SOX11: variants seen among roughly 807,000 people sequenced by gnomAD.
SOX11 encodes transcription factor SOX-11.
A neutral mutation model predicts 16.7 loss-of-function variants in SOX11; 5 were observed. The ratio of observed to expected loss-of-function variants is 0.30; its 90% CI spans 0.16 to 0.63. The LOEUF (loss-of-function observed/expected upper bound fraction) is 0.63. Ranked by LOEUF, SOX11 falls within the 20% of genes least tolerant of loss-of-function variation. The pLI is 0.82. For missense variants in SOX11, 492 were observed against 641.5 expected, an observed-to-expected ratio of 0.77 and a Z score of 2.52; for synonymous variants, 363 against 298.8, an observed-to-expected ratio of 1.21 and a Z score of -2.22.
Position 5,693,210 on chromosome 2 carries a change from C to A in SOX11, c.489C>A (p.Ser163=). Residue 163 remains serine, a synonymous_variant, in exon 1 of 1, where the codon TCC becomes TCA. Coordinates refer to ENST00000322002, the MANE Select transcript of SOX11 (RefSeq NM_003108.4). The surrounding 1 kb of genome is among the most constrained non-coding windows in gnomAD (Gnocchi z 8.6). ...GCGGTGCCAAGACCTCCAAGGGCTC[C>A]AGCAAGAAATGCGGCAAGCTCAAGG... ...GAGGAKTSKG[S]SKKCGKLKAP... 1 of 1,504,030 alleles carries A rather than the reference C, an allele frequency of 6.6e-7. No individual in the cohort carries two copies. Among genetic ancestry groups the A allele is most frequent in the Non-Finnish European group, 8.8e-7 (1 of 1,134,228 alleles). The allele number at this position is 1,504,030 out of a possible 1,614,324, so 93.2% of individuals were successfully genotyped here.
Position 5,693,354 on chromosome 2 carries a change from C to T in SOX11, c.633C>T (p.Gly211=), listed in dbSNP as rs533417666. The change falls in exon 1 of 1, where the codon GGC becomes GGT. Residue 211 remains glycine (G), a synonymous_variant. Coordinates refer to ENST00000322002, the MANE Select transcript of SOX11 (RefSeq NM_003108.4). The surrounding 1 kb of genome is among the most constrained non-coding windows in gnomAD (Gnocchi z 8.6). ...GSLRVSGSGG[G]GAGKTVKCVF... ...TGCGCGTGAGCGGCTCGGGCGGCGG[C>T]GGCGCGGGCAAGACGGTCAAGTGCG... is the stretch of plus-strand genomic sequence containing the variant. 1.2e-4 allele frequency: 183 copies of T among 1,589,572 alleles called. No homozygotes were observed. In the African/African-American group the frequency reaches 2.1e-3, roughly 18 times the overall value.
Position 5,693,406 on chromosome 2 carries a change from G to T in SOX11, c.685G>T (p.Asp229Tyr), listed in dbSNP as rs1665672278. 1.3e-6 allele frequency: 2 copies of T among 1,590,156 alleles called. No homozygotes were observed. Among genetic ancestry groups the T allele is most frequent in the Non-Finnish European group, 8.5e-7 (1 of 1,176,600 alleles). The change falls in exon 1 of 1, where the codon GAC becomes TAC. Residue 229 changes from aspartate to tyrosine, a missense_variant. By Grantham distance (160) the Asp-to-Tyr change is radical. Coordinates refer to ENST00000322002, the MANE Select transcript of SOX11 (RefSeq NM_003108.4). This position sits in a 1 kb window ranked among gnomAD's most constrained non-coding sequence, Gnocchi z 8.6. ...GTTTCTGGATGAGGACGACGACGAC[G>T]ACGACGACGACGACGAGCTGCAGCT... ...CVFLDEDDDD[D>Y]DDDDELQLQI...
rs1041598825 is a variant in SOX11, at chr2:5,696,455, C to G, written c.*2408C>G. ...CGCGGCAGGCCGGCCGAGGGCACCC[C>G]GAGGAACATGGCATGGCCTCTGTGC... On this transcript the variant is annotated 3_prime_UTR_variant, in exon 1 of 1. Coordinates refer to ENST00000322002, the MANE Select transcript of SOX11 (RefSeq NM_003108.4). 70 of 156,504 alleles carry G rather than the reference C, an allele frequency of 4.5e-4. 1 individual carries two copies. Among genetic ancestry groups the G allele is most frequent in the Non-Finnish European group, 1.3e-4 (9 of 68,536 alleles). The allele number at this position is 156,504 out of a possible 1,614,324, so 9.7% of individuals were successfully genotyped here.
chr2:5,696,970 G>A lies in SOX11; in HGVS notation c.*2923G>A. On this transcript the variant is annotated 3_prime_UTR_variant, in exon 1 of 1. Coordinates refer to ENST00000322002, the MANE Select transcript of SOX11 (RefSeq NM_003108.4). Reference sequence around the variant, plus strand: ...CCCATCCCGCTGGCGCTCCCCGCTCGCTGAACCCCGTTTGCCTGTCCACAC... The same window carrying A: ...CCCATCCCGCTGGCGCTCCCCGCTCACTGAACCCCGTTTGCCTGTCCACAC... 6.3e-6 allele frequency: 1 copy of A among 157,544 alleles called. No homozygotes were observed. The allele number at this position is 157,544 out of a possible 1,614,324, so 9.8% of individuals were successfully genotyped here. A position where few individuals can be genotyped will look rare whatever the true frequency, so the allele number is the denominator to read the frequency against.
rs1257974037 is a variant in SOX11, at chr2:5,694,457, G to C, written c.*410G>C. 3.1e-6 allele frequency: 1 copy of C among 323,570 alleles called. No individual in the cohort carries two copies. The highest frequency in any genetic ancestry group is 5.8e-6 in the Non-Finnish European group (1 of 171,158). 20.0% of individuals were successfully genotyped at this position (323,570 alleles called of 1,614,324 possible). ...GCAACAAAGGCAGAGGGGGCGGGGC[G>C]GGGGAGGGGAGGTAGGACCCGCTCC... is the stretch of plus-strand genomic sequence containing the variant. On this transcript the variant is annotated 3_prime_UTR_variant, in exon 1 of 1. Coordinates refer to ENST00000322002, the MANE Select transcript of SOX11 (RefSeq NM_003108.4).
In SOX11 at chr2:5,693,154, G is replaced by A; in HGVS notation, c.433G>A (p.Gly145Ser). 3.1e-6 allele frequency: 5 copies of A among 1,591,588 alleles called. No individual in the cohort carries two copies. Among genetic ancestry groups the A allele is most frequent in the Non-Finnish European group, 4.3e-6 (5 of 1,170,316 alleles). The stretch of plus-strand genomic sequence containing the variant: ...GAGCCCAGAGAAGAGCGCGGCCGGC[G>A]GCGGCGGCGGGAGCGCGGGCGGAGG... ...SQSPEKSAAGGGGGSAGGGAG... is the reference protein window; with the variant it reads ...SQSPEKSAAGSGGGSAGGGAG... Residue 145 changes from glycine to serine, a missense_variant, in exon 1 of 1, where the codon GGC becomes AGC. Transcript: ENST00000322002. This position sits in a 1 kb window ranked among gnomAD's most constrained non-coding sequence, Gnocchi z 8.6.
In SOX11 at chr2:5,699,344, G is replaced by T. The variant is rs148994018; in HGVS notation, c.*5297G>T. ...ATTTTGTAAAATTTCCATTAGGAAT[G>T]TCAGTTTCAAATACCCTTTGTATAG... is the stretch of plus-strand genomic sequence containing the variant. On this transcript the variant is annotated 3_prime_UTR_variant, in exon 1 of 1. Transcript: ENST00000322002. 1 of 167,140 alleles carries T rather than the reference G, an allele frequency of 6.0e-6. No individual in the cohort carries two copies. The highest frequency in any genetic ancestry group is 1.9e-4 in the East Asian group (1 of 5,186). The allele number at this position is 167,140 out of a possible 1,614,324, so 10.4% of individuals were successfully genotyped here.
Position 5,695,577 on chromosome 2 carries a change from T to C in SOX11, c.*1530T>C, listed in dbSNP as rs1040650347. 3.0e-5 allele frequency: 5 copies of C among 164,892 alleles called. No individual in the cohort carries two copies. The highest frequency in any genetic ancestry group is 2.1e-4 in the South Asian group (1 of 4,680). 10.2% of individuals were successfully genotyped at this position (164,892 alleles called of 1,614,324 possible). A position where few individuals can be genotyped will look rare whatever the true frequency, so the allele number is the denominator to read the frequency against. On this transcript the variant is annotated 3_prime_UTR_variant, in exon 1 of 1. Coordinates refer to ENST00000322002, the MANE Select transcript of SOX11 (RefSeq NM_003108.4). ...GACATCATTGCCTGTTTTTTTTTTT[T>C]TTTTTTTGTGCTGGAAGTCTGTATC...
chr2:5,692,527 G>C lies in SOX11; in HGVS notation c.-195G>C. The C allele has an allele frequency of 4.3e-6, 2 of 465,492 alleles. No homozygotes were observed. The highest frequency in any genetic ancestry group is 7.3e-6 in the Non-Finnish European group (2 of 275,002). The allele number at this position is 465,492 out of a possible 1,614,324, so 28.8% of individuals were successfully genotyped here. A position where few individuals can be genotyped will look rare whatever the true frequency, so the allele number is the denominator to read the frequency against. ...CGACCGCAGCTCCCACCGCGCCGGC[G>C]GCCGTCGTCGCCGAAGCCACCACAG... On this transcript the variant is annotated 5_prime_UTR_variant, in exon 1 of 1. Coordinates refer to ENST00000322002, the MANE Select transcript of SOX11 (RefSeq NM_003108.4).
chr2:5,700,420 CAAAAA>C lies in SOX11; in HGVS notation c.*6383_*6387del, dbSNP rs201271298. On this transcript the variant is annotated 3_prime_UTR_variant, in exon 1 of 1. Coordinates refer to ENST00000322002, the MANE Select transcript of SOX11 (RefSeq NM_003108.4). Reference sequence around the variant, plus strand: ...CTTAGACACGTTACATTTCCCCTTCCAAAAAAAAAAAAAAGGACAACTGGAAGTAA... The same window carrying C: ...CTTAGACACGTTACATTTCCCCTTCCAAAAAAAAAGGACAACTGGAAGTAA... 7.5e-6 allele frequency: 1 copy of C among 133,926 alleles called. No homozygotes were observed. Among genetic ancestry groups the C allele is most frequent in the Non-Finnish European group, 1.7e-5 (1 of 57,874 alleles). The allele number at this position is 133,926 out of a possible 1,614,324, so 8.3% of individuals were successfully genotyped here.
Position 5,693,720 on chromosome 2 carries a change from C to A in SOX11, c.999C>A (p.Pro333=), listed in dbSNP as rs755637385. The part of the protein sequence containing the change: ...PPPLAQPALS[P]ASSRSVSTSS... ...CGCTCGCGCAGCCCGCGCTGTCGCC[C>A]GCGTCCTCGCGCTCGGTGTCCACCT... Residue 333 remains proline (P), a synonymous_variant, in exon 1 of 1, where the codon CCC becomes CCA. Coordinates refer to ENST00000322002, the MANE Select transcript of SOX11 (RefSeq NM_003108.4). The surrounding 1 kb of genome is among the most constrained non-coding windows in gnomAD (Gnocchi z 8.6). 6.3e-7 allele frequency: 1 copy of A among 1,597,302 alleles called. No homozygotes were observed. The highest frequency in any genetic ancestry group is 2.2e-5 in the East Asian group (1 of 44,468).
In SOX11 at chr2:5,692,619, G is replaced by GCTGTCTCTTAT; in HGVS notation, c.-103_-102insCTGTCTCTTAT. On this transcript the variant is annotated 5_prime_UTR_variant, in exon 1 of 1. Transcript: ENST00000322002. The stretch of plus-strand genomic sequence containing the variant: ...GGAGCCGCGAAAGCGGGGTGCCGAG[G>GCTGTCTCTTAT]ACTTTGCAACTTGCCCAGGAAGGTG... The GCTGTCTCTTAT allele has an allele frequency of 1.2e-6, 1 of 866,774 alleles. No homozygotes were observed. Among genetic ancestry groups the GCTGTCTCTTAT allele is most frequent in the Non-Finnish European group, 1.7e-6 (1 of 586,582 alleles). The allele number at this position is 866,774 out of a possible 1,614,324, so 53.7% of individuals were successfully genotyped here. A position where few individuals can be genotyped will look rare whatever the true frequency, so the allele number is the denominator to read the frequency against.
Position 5,692,599 on chromosome 2 carries a change from C to A in SOX11, c.-123C>A. On this transcript the variant is annotated 5_prime_UTR_variant, in exon 1 of 1. Coordinates refer to ENST00000322002, the MANE Select transcript of SOX11 (RefSeq NM_003108.4). Reference sequence around the variant, plus strand: ...GGGGGGCGGGGGGGAGGGGGGGAGCCGCGAAAGCGGGGTGCCGAGGACTTT... The same window carrying A: ...GGGGGGCGGGGGGGAGGGGGGGAGCAGCGAAAGCGGGGTGCCGAGGACTTT... The A allele has an allele frequency of 2.8e-6, 2 of 714,516 alleles. No individual in the cohort carries two copies. Among genetic ancestry groups the A allele is most frequent in the Non-Finnish European group, 4.4e-6 (2 of 457,896 alleles). The allele number at this position is 714,516 out of a possible 1,614,324, so 44.3% of individuals were successfully genotyped here. A position where few individuals can be genotyped will look rare whatever the true frequency, so the allele number is the denominator to read the frequency against.
Position 5,693,169 on chromosome 2 carries a change from G to A in SOX11, c.448G>A (p.Ala150Thr), listed in dbSNP as rs750131174. The A allele has an allele frequency of 6.4e-7, 1 of 1,564,808 alleles. No individual in the cohort carries two copies. Among genetic ancestry groups the A allele is most frequent in the South Asian group, 1.1e-5 (1 of 87,218 alleles). Residue 150 changes from alanine to threonine, a missense_variant, in exon 1 of 1, where the codon GCG becomes ACG. Ala to Thr is a moderately conservative substitution (Grantham distance 58, BLOSUM62 0). Coordinates refer to ENST00000322002, the MANE Select transcript of SOX11 (RefSeq NM_003108.4). This position sits in a 1 kb window ranked among gnomAD's most constrained non-coding sequence, Gnocchi z 8.6. Reference sequence around the variant, plus strand: ...CGCGGCCGGCGGCGGCGGCGGGAGCGCGGGCGGAGGCGCGGGCGGTGCCAA... The same window carrying A: ...CGCGGCCGGCGGCGGCGGCGGGAGCACGGGCGGAGGCGCGGGCGGTGCCAA... ...KSAAGGGGGS[A>T]GGGAGGAKTS...
rs1312943333 is a variant in SOX11, at chr2:5,699,745, C to G, written c.*5698C>G. On this transcript the variant is annotated 3_prime_UTR_variant, in exon 1 of 1. Transcript: ENST00000322002. ...TTTTTTTTCCTTGATTCCTACCATA[C>G]CTTCGTTTTTTTCATTGTACTTTTT... 6.2e-6 allele frequency: 1 copy of G among 160,534 alleles called. No individual in the cohort carries two copies. Among genetic ancestry groups the G allele is most frequent in the African/African-American group, 2.5e-5 (1 of 39,742 alleles). The allele number at this position is 160,534 out of a possible 1,614,324, so 9.9% of individuals were successfully genotyped here.
rs1388911061 is a variant in SOX11 at position 5,699,950 on chromosome 2, G to A, written c.*5903G>A. 2.4e-5 allele frequency: 4 copies of A among 166,882 alleles called. No individual in the cohort carries two copies. The highest frequency in any genetic ancestry group is 6.5e-5 in the Admixed American group (1 of 15,272). 10.3% of individuals were successfully genotyped at this position (166,882 alleles called of 1,614,324 possible). A position where few individuals can be genotyped will look rare whatever the true frequency, so the allele number is the denominator to read the frequency against. ...CACAAAAGTGCAGAAAGTATAAAAC[G>A]GCTTACAAAGGGAGACACAAGCTCA... On this transcript the variant is annotated 3_prime_UTR_variant, in exon 1 of 1. Coordinates refer to ENST00000322002, the MANE Select transcript of SOX11 (RefSeq NM_003108.4).
chr2:5,694,071 C>A lies in SOX11; in HGVS notation c.*24C>A, dbSNP rs1265027719. ...GAAAGGCGCCCGCTGCTCGCTCTTT[C>A]TCTCGGAGGGTGCAGAGCTGGGTTC... On this transcript the variant is annotated 3_prime_UTR_variant, in exon 1 of 1. Transcript: ENST00000322002. 1.3e-6 allele frequency: 2 copies of A among 1,540,196 alleles called. No individual in the cohort carries two copies. Among genetic ancestry groups the A allele is most frequent in the South Asian group, 1.2e-5 (1 of 83,136 alleles).
rs1453588412 is a variant in SOX11 at position 5,695,449 on chromosome 2, T to C, written c.*1402T>C. Reference sequence around the variant, plus strand: ...GCAAAAAAGAAAAAAAAAAGGCACATAGTTTAAAAAGTTTCTCATTTTGTG... The same window carrying C: ...GCAAAAAAGAAAAAAAAAAGGCACACAGTTTAAAAAGTTTCTCATTTTGTG... On this transcript the variant is annotated 3_prime_UTR_variant, in exon 1 of 1. Coordinates refer to ENST00000322002, the MANE Select transcript of SOX11 (RefSeq NM_003108.4). 6.0e-6 allele frequency: 1 copy of C among 166,506 alleles called. No homozygotes were observed. The highest frequency in any genetic ancestry group is 1.5e-5 in the Non-Finnish European group (1 of 68,058). The allele number at this position is 166,506 out of a possible 1,614,324, so 10.3% of individuals were successfully genotyped here.
At position 5,692,864 on chromosome 2, in the gene SOX11, A is replaced by G; in HGVS notation, c.143A>G (p.His48Arg). The change falls in exon 1 of 1, where the codon CAC becomes CGC. Residue 48 changes from histidine to arginine, a missense_variant. Physicochemically the swap from His to Arg is conservative, Grantham distance 29. This residue lies in a region of SOX11 where 28 missense variants were observed against 125.6 expected (regional missense o/e 0.22). Coordinates refer to ENST00000322002, the MANE Select transcript of SOX11 (RefSeq NM_003108.4). ...DPDWCKTASG[H>R]IKRPMNAFMV... Reference sequence around the variant, plus strand: ...GACTGGTGCAAGACGGCGTCGGGCCACATCAAGCGGCCGATGAACGCGTTC... The same window carrying G: ...GACTGGTGCAAGACGGCGTCGGGCCGCATCAAGCGGCCGATGAACGCGTTC... 6.2e-7 allele frequency: 1 copy of G among 1,613,962 alleles called. No homozygotes were observed. Among genetic ancestry groups the G allele is most frequent in the Non-Finnish European group, 8.5e-7 (1 of 1,179,948 alleles).
Sources: allele counts gnomAD v4.1 joint callset, GRCh38; gene constraint gnomAD v4.1.1; regional missense constraint gnomAD v4.1.1; non-coding constraint Gnocchi (gnomAD v3.1); transcripts MANE v1.5; gene names NCBI Gene and HGNC (gene_info 2026-07-23, HGNC 2026-07-21).